MAPK15: variants seen among roughly 807,000 people sequenced by gnomAD.
The protein encoded by MAPK15 is mitogen-activated protein kinase 15, also known as ERK-7.
In MAPK15, 61 loss-of-function variants were observed where a neutral mutation model predicts 60.8. That is an observed-to-expected ratio of 1.00 (90% CI 0.82 to 1.24). The LOEUF (loss-of-function observed/expected upper bound fraction) is 1.24. Ranked by LOEUF, MAPK15 falls within the 50% of genes most tolerant of loss-of-function variation. The pLI, the probability that MAPK15 is intolerant of heterozygous loss-of-function variation, is 0.00. For missense variants in MAPK15, 808 were observed against 741.1 expected (o/e 1.09, Z -1.05); for synonymous variants, 356 against 319.9 (o/e 1.11, Z -1.21).
intron 7 of MAPK15, 117 bp downstream of exon 7, chr8:143,719,599 G>A (rs1817968212): frequency 2.8e-5 from 37 of 1,343,452 alleles, no homozygotes; most frequent in Non-Finnish European, 3.7e-5. Context: ...GGGACAGGGA[G>A]GATCCAGAGG....
Position 143,721,544 on chromosome 8 carries a change from CA to C in MAPK15, c.1205-4del. ...GACCCCGGGGTTGACCCACTGACCCCACAGAGTCCCCCCGTGCAGCCAAGAA... is the reference window on the plus strand; with the variant it reads ...GACCCCGGGGTTGACCCACTGACCCCCAGAGTCCCCCCGTGCAGCCAAGAA... On this transcript the variant is annotated splice_region_variant and splice_polypyrimidine_tract_variant and intron_variant, in intron 11 of 13. Transcript: ENST00000338033. The C allele has an allele frequency of 6.2e-7, 1 of 1,613,782 alleles. No individual in the cohort carries two copies. Among genetic ancestry groups the C allele is most frequent in the East Asian group, 2.2e-5 (1 of 44,874 alleles).
Position 143,718,813 on chromosome 8 carries a change from C to T in MAPK15, c.325C>T (p.Leu109=). 4 of 1,605,684 alleles carry T rather than the reference C, an allele frequency of 2.5e-6. No homozygotes were observed. The highest frequency in any genetic ancestry group is 3.4e-6 in the Non-Finnish European group (4 of 1,176,180). ...LNAVIRKGGL[L]QDVHVRSIFY... ...CGCAGTCATCCGGAAGGGCGGCCTG[C>T]TGCAGGACGTCCACGTGCGCTCCAT... Residue 109 remains leucine, a synonymous_variant, in exon 5 of 14, where the codon CTG becomes TTG. Coordinates refer to ENST00000338033, the MANE Select transcript of MAPK15 (RefSeq NM_139021.3).
intron 1 of MAPK15, among the ~76,000 whole-genome samples, 192 bp from the exon 2 acceptor site, chr8:143,717,502 C>T (rs1554618561): frequency 6.6e-6 from 1 of 152,224 alleles, no homozygotes; most frequent in African/African-American, 2.4e-5. Flanking sequence ...AGCTCTCACC[C>T]TCCCTTCCCT....
In MAPK15 at chr8:143,719,050, G is replaced by A; in HGVS notation, c.475G>A (p.Ala159Thr). The A allele has an allele frequency of 6.3e-7, 1 of 1,594,984 alleles. No homozygotes were observed. The highest frequency in any genetic ancestry group is 8.5e-7 in the Non-Finnish European group (1 of 1,171,424). The stretch of plus-strand genomic sequence containing the variant: ...AGTGAAGCTGTGTGACTTTGGCCTG[G>A]CCCGCTCCCTGGGCGACCTCCCCGA... ...CTVKLCDFGL[A>T]RSLGDLPEGP... The change falls in exon 6 of 14, where the codon GCC (alanine) becomes ACC (threonine). Residue 159 changes from alanine (A) to threonine (T), a missense_variant. Coordinates refer to ENST00000338033, the MANE Select transcript of MAPK15 (RefSeq NM_139021.3).
At chr8:143,717,652 G>A (rs781795942) in intron 1 of MAPK15, 42 bp from the exon 2 acceptor site, 2 of 1,504,816 alleles carry the variant, frequency 1.3e-6, no homozygotes, top group East Asian at 4.7e-5. Context: ...GGCAGGGGAT[G>A]GGGGGAAGGG....
Position 143,722,077 on chromosome 8 carries a change from C to T in MAPK15, c.1461C>T (p.Val487=), listed in dbSNP as rs1554620119. 1 of 1,611,804 alleles carries T rather than the reference C, an allele frequency of 6.2e-7. No homozygotes were observed. The highest frequency in any genetic ancestry group is 1.7e-5 in the Admixed American group (1 of 59,976). Residue 487 remains valine (V), a splice_region_variant and synonymous_variant, in exon 14 of 14, where the codon GTC becomes GTT. Transcript: ENST00000338033. The part of the protein sequence containing the change: ...GGVRVASVQQ[V]PPRLPPEARP... ...ATGTGACCCTCAACTGTACACAGGT[C>T]CCTCCCCGGCTTCCTCCGGAGGCCC...
At position 143,718,887 on chromosome 8, in the gene MAPK15, T is replaced by A. The variant is rs1817921958; in HGVS notation, c.399T>A (p.Val133=). The change falls in exon 5 of 14, where the codon GTT becomes GTA. Residue 133 remains valine, a synonymous_variant. Coordinates refer to ENST00000338033, the MANE Select transcript of MAPK15 (RefSeq NM_139021.3). ...CCCGGTTCCTCCACTCGGGGCACGT[T>A]GTGCACCGGGACCAGAAGGTGCGGT... is the stretch of plus-strand genomic sequence containing the variant. ...RATRFLHSGH[V]VHRDQKPSNV... 5.0e-6 allele frequency: 8 copies of A among 1,608,838 alleles called. No individual in the cohort carries two copies. In the East Asian group the frequency reaches 1.8e-4, roughly 36 times the overall value.
chr8:143,718,994 C>G lies in MAPK15; in HGVS notation c.419C>G (p.Pro140Arg). The change falls in exon 6 of 14, where the codon CCG becomes CGG. Residue 140 changes from proline to arginine, a missense_variant and splice_region_variant. Transcript: ENST00000338033. ...SGHVVHRDQK[P>R]SNVLLDANCT... is the part of the protein sequence containing the mutation. ...CCTCAGCCTGCCTCCTCTCTGCAGC[C>G]GTCCAATGTGCTCCTGGATGCCAAC... 5.6e-6 allele frequency: 9 copies of G among 1,606,744 alleles called. No individual in the cohort carries two copies. The highest frequency in any genetic ancestry group is 6.8e-6 in the Non-Finnish European group (8 of 1,176,982).
rs782253531 is a variant in MAPK15, at chr8:143,721,788, A to C, written c.1366A>C (p.Thr456Pro). The C allele has an allele frequency of 2.5e-6, 4 of 1,612,396 alleles. No homozygotes were observed. The East Asian group carries it at 6.7e-5, about 27-fold the overall frequency. Reference protein sequence around the residue: ...PSGRGAAPSLTSQAAAQVANQ... With the variant: ...PSGRGAAPSLPSQAAAQVANQ... Reference sequence around the variant, plus strand: ...CGGGAGGGGAGCTGCGCCCTCCCTGACCTCCCAGGCTGCGGCTCAGGTGGC... The same window carrying C: ...CGGGAGGGGAGCTGCGCCCTCCCTGCCCTCCCAGGCTGCGGCTCAGGTGGC... Residue 456 changes from threonine to proline, a missense_variant, in exon 13 of 14, where the codon ACC becomes CCC. Coordinates refer to ENST00000338033, the MANE Select transcript of MAPK15 (RefSeq NM_139021.3).
intron 7 of MAPK15, 66 bp downstream of exon 7, chr8:143,719,548 A>T: frequency 1.3e-6 from 2 of 1,553,708 alleles, no homozygotes; most frequent in Non-Finnish European, 1.7e-6. Context: ...CTGTGGGGAG[A>T]CAGCAGCTGA....
intron 4 of MAPK15, 62 bp from the exon 5 acceptor site, chr8:143,718,713 A>ACG: frequency 9.8e-6 from 5 of 511,476 alleles, no homozygotes; most frequent in African/African-American, 2.3e-5. Flanking sequence ...CCCCTCTCCC[A>ACG]CTCCCCCCAG....
intron 1 of MAPK15, among the ~76,000 whole-genome samples, chr8:143,717,036 G>A (rs1817839221): frequency 1.3e-5 from 2 of 152,168 alleles, no homozygotes; most frequent in South Asian, 4.1e-4. Context: ...GCAGGGTTGT[G>A]TATGTGCAAC....
At position 143,720,011 on chromosome 8, in the gene MAPK15, C is replaced by A. The variant is rs1401737202; in HGVS notation, c.722-219C>A. Reference sequence around the variant, plus strand: ...CCACTTCTGTGAGCACACCCCAGGGCCAGGTGCCCGAGTGTGGAGCAGGGG... The same window carrying A: ...CCACTTCTGTGAGCACACCCCAGGGACAGGTGCCCGAGTGTGGAGCAGGGG... On this transcript the variant is annotated intron_variant, in intron 7 of 13. Transcript: ENST00000338033. The surrounding 1 kb of genome is among the most constrained non-coding windows in gnomAD (Gnocchi z 4.6). Among the ~76,000 whole-genome samples the A allele has an allele frequency of 6.6e-6, 1 of 152,104 alleles. No individual in the cohort carries two copies. The highest frequency in any genetic ancestry group is 1.5e-5 in the Non-Finnish European group (1 of 68,010).
Position 143,719,350 on chromosome 8 carries a change from CT to C in MAPK15, c.591del (p.Val199TrpfsTer31), listed in dbSNP as rs1817953091. 1 of 1,607,096 alleles carries C rather than the reference CT, an allele frequency of 6.2e-7. No homozygotes were observed. The highest frequency in any genetic ancestry group is 1.3e-5 in the African/African-American group (1 of 74,766). ...CACCGCTTCCTGCCCCAGATACACC[CT>C]TGGGGTGGACATGTGGAGTCTGGGC... ...EVLLSSHRYT[L>X]GVDMWSLGCI... On this transcript the variant is annotated frameshift_variant, in exon 7 of 14. Transcript: ENST00000338033. LOFTEE classifies it high-confidence loss of function.
At chr8:143,719,614 G>A (rs982947048) in intron 7 of MAPK15, 132 bp downstream of exon 7, 4 of 1,283,770 alleles carry the variant, frequency 3.1e-6, no homozygotes, top group South Asian at 1.6e-5. Context: ...CAGAGGATGG[G>A]GCAGGAGCCC....
rs1563752927 is a variant in MAPK15 at position 143,721,899 on chromosome 8, G to A, written c.1458+19G>A. On this transcript the variant is annotated intron_variant, in intron 13 of 13. Coordinates refer to ENST00000338033, the MANE Select transcript of MAPK15 (RefSeq NM_139021.3). ...ACAACAGGTAAGCCCGGCCCAGTCT[G>A]CCCCCGTCCCCTCATCCTCCTTTCC... The A allele has an allele frequency of 1.3e-6, 2 of 1,551,778 alleles. No individual in the cohort carries two copies. The highest frequency in any genetic ancestry group is 1.7e-6 in the Non-Finnish European group (2 of 1,150,714).
rs1211087381 is a variant in MAPK15, at chr8:143,722,073, AG to A, written c.1459del. ...CTTTATGTGACCCTCAACTGTACAC[AG>A]GTCCCTCCCCGGCTTCCTCCGGAGG... On this transcript the variant is annotated splice_acceptor_variant, in intron 13 of 13. Transcript: ENST00000338033. LOFTEE classifies it high-confidence loss of function. The A allele has an allele frequency of 2.5e-6, 4 of 1,611,450 alleles. No individual in the cohort carries two copies. The highest frequency in any genetic ancestry group is 3.4e-6 in the Non-Finnish European group (4 of 1,179,732).
rs1672788674 is a variant in MAPK15 at position 143,722,138 on chromosome 8, C to T, written c.1522C>T (p.Gln508Ter). ...GAGGATGTTCAGCACCTCTGCCTTG[C>T]AGGGTGCCCAGGGGGGTGCCAGGGC... Reference protein sequence around the residue: ...GRRMFSTSALQGAQGGARALL... With the variant: ...GRRMFSTSAL Residue 508 changes from glutamine to a stop codon, truncating the protein, a stop_gained, in exon 14 of 14, where the codon CAG becomes TAG. Coordinates refer to ENST00000338033, the MANE Select transcript of MAPK15 (RefSeq NM_139021.3). LOFTEE classifies it high-confidence loss of function. The T allele has an allele frequency of 6.2e-7, 1 of 1,612,078 alleles. No homozygotes were observed. Among genetic ancestry groups the T allele is most frequent in the South Asian group, 1.1e-5 (1 of 90,998 alleles).
At position 143,722,258 on chromosome 8, in the gene MAPK15, C is replaced by T; in HGVS notation, c.*7C>T. 1 of 1,556,920 alleles carries T rather than the reference C, an allele frequency of 6.4e-7. No homozygotes were observed. The highest frequency in any genetic ancestry group is 8.7e-7 in the Non-Finnish European group (1 of 1,151,658). On this transcript the variant is annotated 3_prime_UTR_variant, in exon 14 of 14. Coordinates refer to ENST00000338033, the MANE Select transcript of MAPK15 (RefSeq NM_139021.3). Reference sequence around the variant, plus strand: ...GGAGGGGCACCATGTGTGAGCCGCCCTACTCCCTTCACCTGGCCCTCTGTT... The same window carrying T: ...GGAGGGGCACCATGTGTGAGCCGCCTTACTCCCTTCACCTGGCCCTCTGTT...
Sources: gnomAD v4.1 joint callset for allele counts (sites outside exome capture counted in the v4.1 genomes callset) on GRCh38, gnomAD v4.1.1 for gene constraint, Gnocchi (gnomAD v3.1) non-coding constraint, MANE v1.5 for transcripts, NCBI Gene and HGNC (gene_info 2026-07-23, HGNC 2026-07-21) for gene names.